Variants in CYP7B1 observed in about 807,000 individuals in gnomAD.
CYP7B1 encodes the protein cytochrome P450 family 7 subfamily B member 1, also known as cytochrome P450 7B1.
A neutral mutation model predicts 42.7 loss-of-function variants in CYP7B1; 29 were observed. The observed-to-expected ratio is 0.68, with a 90% confidence interval of 0.51 to 0.93. The LOEUF (loss-of-function observed/expected upper bound fraction) is 0.93. Among genes scored for constraint, CYP7B1 ranks in the 40% least tolerant of loss-of-function variants. The probability of loss-of-function intolerance (pLI) is 0.00; values close to 1 mark genes in which losing one functional copy is unlikely to be tolerated. For missense variants in CYP7B1, 655 were observed against 600.5 expected (o/e 1.09, Z -0.95); for synonymous variants, 235 against 218.2 (o/e 1.08, Z -0.68).
At chr8:64,791,618 G>A (rs1030854964) in intron 1 of CYP7B1, among the ~76,000 whole-genome samples, 1 of 152,190 alleles carries the variant, frequency 6.6e-6, no homozygotes, top group African/African-American at 2.4e-5. Flanking sequence ...CCCCAAAAGG[G>A]ATACAGCCCT....
chr8:64,634,116 G>T (rs549848446), intron 1 of CYP7B1, among the ~76,000 whole-genome samples: 9 of 152,314 alleles, frequency 5.9e-5, no homozygotes, highest in African/African-American at 2.2e-4. Flanking sequence ...TACTGCTTTT[G>T]AAGAGTAGTT....
Position 64,596,963 on chromosome 8 carries a change from T to C in CYP7B1, c.1234-34A>G, listed in dbSNP as rs117657667. On this transcript the variant is annotated intron_variant, in intron 5 of 5. Transcript: ENST00000310193. The stretch of plus-strand genomic sequence containing the variant: ...AAGAATAGTGTTAAAATTAACATTT[T>C]ATATGAAATAGTTTGAGTTCAAGTC... 14,173 of 1,565,514 alleles carry C rather than the reference T, an allele frequency of 9.1e-3. 101 individuals carry two copies. The highest frequency in any genetic ancestry group is 9.4e-3 in the Non-Finnish European group (10,731 of 1,146,480).
At chr8:64,702,228 T>A (rs1428099086) in intron 1 of CYP7B1, among the ~76,000 whole-genome samples, 1 of 151,958 alleles carries the variant, frequency 6.6e-6, no homozygotes, top group East Asian at 1.9e-4. Flanking sequence ...GCACAAGAAA[T>A]GAACAAAGAA....
rs571622625 is a variant in CYP7B1 at position 64,592,795 on chromosome 8, T to G, written c.*3847A>C. Among the ~76,000 whole-genome samples, 1 of 152,236 alleles carries G rather than the reference T, an allele frequency of 6.6e-6. No individual in the cohort carries two copies. The highest frequency in any genetic ancestry group is 1.5e-5 in the Non-Finnish European group (1 of 68,034). ...TTATTTTATTTTTCAAATGAGGACG[T>G]TGAAGCTCTGAGACGGAAATTGTTT... On this transcript the variant is annotated 3_prime_UTR_variant, in exon 6 of 6. Coordinates refer to ENST00000310193, the MANE Select transcript of CYP7B1 (RefSeq NM_004820.5).
At chr8:64,771,250 C>T (rs990514184) in intron 1 of CYP7B1, among the ~76,000 whole-genome samples, 7 of 151,116 alleles carry the variant, frequency 4.6e-5, no homozygotes, top group South Asian at 4.2e-4. Flanking sequence ...TTAGTAGAGA[C>T]GGGGTTTCAC....
chr8:64,654,442 T>C (rs1430983288), intron 1 of CYP7B1, among the ~76,000 whole-genome samples: 1 of 151,990 alleles, frequency 6.6e-6, no homozygotes, highest in Non-Finnish European at 1.5e-5. Context: ...AAGAATGCAA[T>C]ACCTAGGAAT....
chr8:64,651,645 G>A (rs76586257), intron 1 of CYP7B1, among the ~76,000 whole-genome samples: 4,405 of 152,256 alleles, frequency 0.029, 196 homozygotes, highest in African/African-American at 0.1. Context: ...TGAAGGCAGA[G>A]CTCCCATGAA....
intron 1 of CYP7B1, among the ~76,000 whole-genome samples, chr8:64,775,527 C>G (rs983454311): frequency 6.6e-6 from 1 of 152,072 alleles, no homozygotes; most frequent in African/African-American, 2.4e-5. Flanking sequence ...TGTTGATGAC[C>G]TACAATGTGC....
downstream of CYP7B1, among the ~76,000 whole-genome samples, chr8:64,588,208 A>G (rs574847715): frequency 1.3e-5 from 2 of 152,342 alleles, no homozygotes; most frequent in Admixed American, 1.3e-4. Flanking sequence ...TCTTTATATA[A>G]ATTGTCTGAG....
chr8:64,599,706 TCTGA>T (rs1257717222), intron 5 of CYP7B1, among the ~76,000 whole-genome samples: 2 of 152,334 alleles, frequency 1.3e-5, no homozygotes, highest in South Asian at 2.1e-4. Flanking sequence ...TGTTCTGGTC[TCTGA>T]CTGGTTTGGG....
chr8:64,796,413 T>A (rs1169555460), intron 1 of CYP7B1, among the ~76,000 whole-genome samples: 1 of 152,190 alleles, frequency 6.6e-6, no homozygotes, highest in Non-Finnish European at 1.5e-5. Flanking sequence ...AAATTTGGGA[T>A]AAAAATGAAG....
intron 1 of CYP7B1, among the ~76,000 whole-genome samples, chr8:64,625,485 T>A (rs1281007493): frequency 2.0e-5 from 3 of 152,228 alleles, no homozygotes; most frequent in Non-Finnish European, 2.9e-5. Context: ...TATGAAATTG[T>A]TAGTTATAAT....
At chr8:64,614,985 G>A in intron 4 of CYP7B1, 41 bp downstream of exon 4, 3 of 1,603,792 alleles carry the variant, frequency 1.9e-6, no homozygotes, top group Non-Finnish European at 2.6e-6. Flanking sequence ...AGTTTGCAGA[G>A]AGGTACCTTC....
intron 1 of CYP7B1, among the ~76,000 whole-genome samples, chr8:64,783,835 G>T (rs1585912841): frequency 6.6e-6 from 1 of 152,258 alleles, no homozygotes; most frequent in Middle Eastern, 3.4e-3. Context: ...TGCAAAGCCT[G>T]AGAGTAAACA....
chr8:64,604,097 G>GA (rs1418296149), intron 5 of CYP7B1, among the ~76,000 whole-genome samples: 1 of 151,996 alleles, frequency 6.6e-6, no homozygotes, highest in Non-Finnish European at 1.5e-5. Context: ...TCCAGCTTCA[G>GA]AAAAAAACAC....
chr8:64,627,697 T>C (rs139845310), intron 1 of CYP7B1, among the ~76,000 whole-genome samples: 631 of 152,326 alleles, frequency 4.1e-3, no homozygotes, highest in Admixed American at 6.6e-3. Flanking sequence ...AGCTATTTTA[T>C]TGTTACAAAG....
intron 1 of CYP7B1, among the ~76,000 whole-genome samples, chr8:64,731,752 C>T (rs146943662): frequency 1.3e-5 from 2 of 152,304 alleles, no homozygotes; most frequent in East Asian, 3.9e-4. Flanking sequence ...TTCACCATGT[C>T]TTTAGATTTG....
At chr8:64,693,668 A>C (rs922548373) in intron 1 of CYP7B1, among the ~76,000 whole-genome samples, 4 of 152,240 alleles carry the variant, frequency 2.6e-5, no homozygotes, top group Admixed American at 1.3e-4. Context: ...AATGGAATGG[A>C]TTAACAATGA....
intron 1 of CYP7B1, among the ~76,000 whole-genome samples, chr8:64,653,242 T>C (rs1369391639): frequency 1.3e-5 from 2 of 152,076 alleles, no homozygotes; most frequent in Non-Finnish European, 2.9e-5. Flanking sequence ...ATAAGATAGA[T>C]ATACTGCTAC....
Sources: allele counts gnomAD v4.1 joint callset (sites outside exome capture counted in the v4.1 genomes callset), GRCh38; gene constraint gnomAD v4.1.1; transcripts MANE v1.5; gene names NCBI Gene and HGNC (gene_info 2026-07-23, HGNC 2026-07-21).